The following GRIA2 variants were observed in gnomAD, a reference collection of about 807,000 sequenced individuals.
GRIA2 encodes the protein glutamate receptor 2.
Under a neutral mutation model 97.3 loss-of-function variants are expected in GRIA2, and 14 were observed. That is an observed-to-expected ratio of 0.14 (90% CI 0.10 to 0.23). The LOEUF (loss-of-function observed/expected upper bound fraction) is 0.23, where lower values mean the gene tolerates loss of function less well. GRIA2 is among the 10% of genes least tolerant of loss of function. GRIA2 has a pLI of 1.00. For missense variants in GRIA2, 558 were observed against 1,069.8 expected (o/e 0.52, Z 6.67); for synonymous variants, 412 against 387.8 (o/e 1.06, Z -0.73).
intron 12 of GRIA2, among the ~76,000 whole-genome samples, chr4:157,346,468 T>C (rs960669192): frequency 2.6e-5 from 4 of 152,260 alleles, no homozygotes; most frequent in Non-Finnish European, 4.4e-5. Context: ...GGCAGAAATA[T>C]GTATGTCTAT....
intron 3 of GRIA2, among the ~76,000 whole-genome samples, chr4:157,307,902 A>G (rs1314727925): frequency 6.6e-6 from 1 of 152,202 alleles, no homozygotes; most frequent in Non-Finnish European, 1.5e-5. Flanking sequence ...CATATTCCTG[A>G]GAGAGCTGAT....
intron 2 of GRIA2, among the ~76,000 whole-genome samples, chr4:157,285,095 T>C (rs1732777923): frequency 6.6e-6 from 1 of 151,714 alleles, no homozygotes; most frequent in African/African-American, 2.4e-5. Context: ...ATCAGACTTT[T>C]CACTTTGCCT....
intron 2 of GRIA2, among the ~76,000 whole-genome samples, chr4:157,279,757 C>T (rs1732510007): frequency 6.6e-6 from 1 of 152,054 alleles, no homozygotes; most frequent in Non-Finnish European, 1.5e-5. Context: ...AGTGATATCC[C>T]TAGAAGGCAT....
chr4:157,332,398 A>G (rs1735090793), intron 6 of GRIA2, among the ~76,000 whole-genome samples: 1 of 152,052 alleles, frequency 6.6e-6, no homozygotes, highest in Non-Finnish European at 1.5e-5. Context: ...CCTGAAAGTA[A>G]TCCATATTCC....
At chr4:157,295,112 A>G (rs1006523592) in intron 2 of GRIA2, among the ~76,000 whole-genome samples, 1 of 152,138 alleles carries the variant, frequency 6.6e-6, no homozygotes, top group African/African-American at 2.4e-5. Flanking sequence ...ATAATGAATG[A>G]AGCCAGAATA....
chr4:157,234,101 C>A (rs1730138096), intron 2 of GRIA2, among the ~76,000 whole-genome samples: 1 of 152,068 alleles, frequency 6.6e-6, no homozygotes, highest in Admixed American at 6.5e-5. Context: ...GCTAAACTTT[C>A]TAGTCTTGTT....
At chr4:157,333,942 A>G in intron 8 of GRIA2, 68 bp from the exon 9 acceptor site, 1 of 774,668 alleles carries the variant, frequency 1.3e-6, no homozygotes, top group East Asian at 2.5e-5. Flanking sequence ...TGGCTTTGAA[A>G]ATAATTAAAT....
At chr4:157,341,520 C>A in intron 12 of GRIA2, 58 bp downstream of exon 12, 1 of 1,151,714 alleles carries the variant, frequency 8.7e-7, no homozygotes, top group African/African-American at 1.5e-5. Context: ...CCTATTTAAA[C>A]TTTGTTTCCC....
At chr4:157,254,098 G>A (rs962708721) in intron 2 of GRIA2, among the ~76,000 whole-genome samples, 1 of 151,384 alleles carries the variant, frequency 6.6e-6, no homozygotes, top group East Asian at 1.9e-4. Flanking sequence ...TTTCTGTCTA[G>A]AAATCCAGAA....
intron 2 of GRIA2, among the ~76,000 whole-genome samples, chr4:157,275,921 G>C (rs1163697047): frequency 2.0e-5 from 3 of 152,212 alleles, no homozygotes; most frequent in South Asian, 2.1e-4. Flanking sequence ...TTAGTTTGAT[G>C]GGGATGGCAT....
intron 5 of GRIA2, among the ~76,000 whole-genome samples, chr4:157,320,192 G>A (rs551394652): frequency 1.2e-4 from 18 of 152,122 alleles, no homozygotes; most frequent in East Asian, 3.9e-4. Context: ...GATCATGTTC[G>A]AGAAAGAAAA....
intron 3 of GRIA2, among the ~76,000 whole-genome samples, chr4:157,305,163 C>G (rs1313203479): frequency 1.3e-5 from 2 of 151,960 alleles, no homozygotes; most frequent in African/African-American, 4.8e-5. Context: ...TTAGTTTTTC[C>G]TCTTGTTCTC....
intron 6 of GRIA2, among the ~76,000 whole-genome samples, chr4:157,324,969 C>T (rs193222450): frequency 1.1e-3 from 168 of 152,192 alleles, no homozygotes; most frequent in African/African-American, 3.7e-3. Context: ...GAATTGGATA[C>T]ATTGCCTGAT....
chr4:157,314,969 A>C (rs1289098417), intron 4 of GRIA2, among the ~76,000 whole-genome samples: 2 of 152,240 alleles, frequency 1.3e-5, no homozygotes, highest in African/African-American at 4.8e-5. Flanking sequence ...CACAGACAGC[A>C]CTACAGAATT....
chr4:157,267,214 A>G (rs1040377757), intron 2 of GRIA2, among the ~76,000 whole-genome samples: 2 of 151,924 alleles, frequency 1.3e-5, no homozygotes, highest in Non-Finnish European at 2.9e-5. Context: ...TCATGAGGTC[A>G]GGAGTTTGAG....
chr4:157,277,856 A>ATATATATGTATATATG (rs995705559), intron 2 of GRIA2, among the ~76,000 whole-genome samples: 42 of 143,434 alleles, frequency 2.9e-4, no homozygotes, highest in African/African-American at 8.3e-4. Flanking sequence ...GTATATATGT[A>ATATATATGTATATATG]TATATATGTA....
intron 2 of GRIA2, among the ~76,000 whole-genome samples, chr4:157,243,042 C>T (rs1730574473): frequency 6.6e-6 from 1 of 151,946 alleles, no homozygotes; most frequent in Non-Finnish European, 1.5e-5. Context: ...TAAATAGATT[C>T]CCAAAAGGAC....
At position 157,321,426 on chromosome 4, in the gene GRIA2, T is replaced by C; in HGVS notation, c.721-12T>C. ...AAACAAAAAGCGTGATATCAATGTG[T>C]TCTATGTTTAGGGATTTACTGATGG... On this transcript the variant is annotated splice_polypyrimidine_tract_variant and intron_variant, in intron 5 of 15. Coordinates refer to ENST00000264426, the MANE Select transcript of GRIA2 (RefSeq NM_001083619.3). 6.3e-7 allele frequency: 1 copy of C among 1,593,598 alleles called. No individual in the cohort carries two copies. Among genetic ancestry groups the C allele is most frequent in the Non-Finnish European group, 8.6e-7 (1 of 1,166,776 alleles).
At chr4:157,239,137 G>T (rs938437329) in intron 2 of GRIA2, among the ~76,000 whole-genome samples, 1 of 152,008 alleles carries the variant, frequency 6.6e-6, no homozygotes, top group East Asian at 1.9e-4. Flanking sequence ...CATCAGCTTG[G>T]ATGTCATTGA....
Sources: allele counts gnomAD v4.1 joint callset (sites outside exome capture counted in the v4.1 genomes callset), GRCh38; gene constraint gnomAD v4.1.1; transcripts MANE v1.5; gene names NCBI Gene and HGNC (gene_info 2026-07-23, HGNC 2026-07-21).